Variants in AGTPBP1 observed in about 807,000 individuals in gnomAD.
AGTPBP1 encodes ATP/GTP binding carboxypeptidase 1, also known as cytosolic carboxypeptidase 1.
In AGTPBP1, 70 loss-of-function variants were observed where a neutral mutation model predicts 143.9. The ratio of observed to expected loss-of-function variants is 0.49; its 90% CI spans 0.40 to 0.59. The LOEUF is 0.59. Ranked by LOEUF, AGTPBP1 falls within the 20% of genes least tolerant of loss-of-function variation. The pLI is 0.00. For synonymous variants in AGTPBP1, 463 were observed against 500.2 expected (o/e 0.93, Z 0.99); for missense variants, 1,229 against 1,464.5 (o/e 0.84, Z 2.62).
At chr9:85,600,286 G>A (rs1014693234) in intron 17 of AGTPBP1, among the ~76,000 whole-genome samples, 3 of 152,106 alleles carry the variant, frequency 2.0e-5, no homozygotes, top group Non-Finnish European at 4.4e-5. Context: ...TCAATCTGAA[G>A]TTTTGACCCC....
chr9:85,787,250 A>G, the AGTPBP1 span, among the ~76,000 whole-genome samples: 1 of 152,110 alleles, frequency 6.6e-6, no homozygotes, highest in African/African-American at 2.4e-5. Context: ...TTCCTGCTCT[A>G]TACACTCAAT....
Position 85,741,882 on chromosome 9 carries a change from A to T in AGTPBP1, c.-141T>A, listed in dbSNP as rs1248110044. ...GCCCGCCGCCCGGTGTTTTCATACA[A>T]ACCCCGGTGGCAGGCGAGGCGGAGG... is the stretch of plus-strand genomic sequence containing the variant. On this transcript the variant is annotated 5_prime_UTR_variant, in exon 1 of 26. In the 5' UTR this introduces an upstream ATG that the reference lacks. Transcript: ENST00000357081. 1.4e-6 allele frequency: 2 copies of T among 1,385,624 alleles called. No individual in the cohort carries two copies. The highest frequency in any genetic ancestry group is 6.2e-5 in the East Asian group (2 of 32,352). 85.8% of individuals were successfully genotyped at this position (1,385,624 alleles called of 1,614,324 possible).
chr9:85,760,255 C>T, the AGTPBP1 span, among the ~76,000 whole-genome samples: 76 of 152,210 alleles, frequency 5.0e-4, no homozygotes, highest in African/African-American at 1.8e-3. Context: ...GGGAATCCTC[C>T]CTAACTCATT....
the AGTPBP1 span, among the ~76,000 whole-genome samples, chr9:85,798,766 A>G: frequency 6.6e-6 from 1 of 152,062 alleles, no homozygotes; most frequent in Admixed American, 6.6e-5. Flanking sequence ...CACATTTAAG[A>G]ATGAGGTGAT....
chr9:85,753,804 A>G, the AGTPBP1 span, among the ~76,000 whole-genome samples: 51 of 147,460 alleles, frequency 3.5e-4, 1 homozygote, highest in African/African-American at 1.2e-3. Context: ...ATAGATAGAT[A>G]GATGTAAAAA....
At chr9:85,680,575 C>T (rs1684098415) in intron 4 of AGTPBP1, among the ~76,000 whole-genome samples, 1 of 150,236 alleles carries the variant, frequency 6.7e-6, no homozygotes, top group Non-Finnish European at 1.5e-5. Flanking sequence ...CAGAGTGAGA[C>T]TCTGTCTCAA....
rs181434125 is a variant in AGTPBP1, at chr9:85,654,178, T to C, written c.1087+965A>G. 4.4e-4 allele frequency among the ~76,000 whole-genome samples: 67 copies of C among 152,110 alleles called. No individual in the cohort carries two copies. In the Middle Eastern group the frequency reaches 0.01, roughly 23 times the overall value. ...ATAAATAAAGAATCTTCGTTTTTTT[T>C]CTCAAAAAAGTAATAAACTGATAAG... On this transcript the variant is annotated intron_variant, in intron 11 of 25. Transcript: ENST00000357081.
chr9:85,763,653 A>T, the AGTPBP1 span, among the ~76,000 whole-genome samples: 1 of 152,032 alleles, frequency 6.6e-6, no homozygotes, highest in Admixed American at 6.6e-5. Flanking sequence ...TAGAGTAGGT[A>T]TAAGAGTGCT....
chr9:85,722,010 T>C (rs1053250392), intron 1 of AGTPBP1, among the ~76,000 whole-genome samples: 1 of 152,232 alleles, frequency 6.6e-6, no homozygotes, highest in East Asian at 1.9e-4. Context: ...CACTCTCTTC[T>C]GGCTTGTAGG....
intron 12 of AGTPBP1, among the ~76,000 whole-genome samples, chr9:85,645,112 C>T (rs996030821): frequency 6.6e-6 from 1 of 152,112 alleles, no homozygotes; most frequent in Non-Finnish European, 1.5e-5. Flanking sequence ...TTTCTATGTA[C>T]TTATACAACC....
rs138823551 is a variant in AGTPBP1 at position 85,556,072 on chromosome 9, C to T, written c.3504-8786G>A. ...CCAGGCGAGGAAATAATCTGTAGAA[C>T]AAACCCCCGTGACATGGGTTTACCT... On this transcript the variant is annotated intron_variant, in intron 25 of 25. Transcript: ENST00000357081. 1.9e-3 allele frequency among the ~76,000 whole-genome samples: 284 copies of T among 152,198 alleles called. 1 individual carries two copies. The highest frequency in any genetic ancestry group is 6.4e-3 in the African/African-American group (266 of 41,544).
chr9:85,628,018 G>T (rs1301565881), intron 14 of AGTPBP1, among the ~76,000 whole-genome samples: 1 of 152,168 alleles, frequency 6.6e-6, no homozygotes, highest in Non-Finnish European at 1.5e-5. Flanking sequence ...TTGTTCAAGG[G>T]TTAACTATAT....
In AGTPBP1 at chr9:85,741,909, G is replaced by GGCGGCGGCAGCT. The variant is rs1159112155; in HGVS notation, c.-169_-168insAGCTGCCGCCGC. The stretch of plus-strand genomic sequence containing the variant: ...CCCCGGTGGCAGGCGAGGCGGAGGC[G>GGCGGCGGCAGCT]GCGGCGGCGGCAGCTGCGGCGGCGG... On this transcript the variant is annotated 5_prime_UTR_variant, in exon 1 of 26. Transcript: ENST00000357081. The GGCGGCGGCAGCT allele has an allele frequency of 1.7e-5, 22 of 1,317,026 alleles. No homozygotes were observed. In the African/African-American group the frequency reaches 3.1e-4, roughly 19 times the overall value. The allele number at this position is 1,317,026 out of a possible 1,614,324, so 81.6% of individuals were successfully genotyped here.
chr9:85,580,361 T>C lies in AGTPBP1; in HGVS notation c.3166-1265A>G, dbSNP rs117398044. Among the ~76,000 whole-genome samples the C allele has an allele frequency of 3.1e-3, 478 of 152,164 alleles. 16 individuals carry two copies. In the East Asian group the frequency reaches 0.08, roughly 25 times the overall value. The stretch of plus-strand genomic sequence containing the variant: ...ATTTCTCATAAATTGTTTTTTGGAG[T>C]TTTGAGGCTTAGAAAGATTTTTTTT... On this transcript the variant is annotated intron_variant, in intron 23 of 25. Transcript: ENST00000357081.
chr9:85,692,645 A>T, intron 3 of AGTPBP1, 44 bp downstream of exon 3: 1 of 1,587,698 alleles, frequency 6.3e-7, no homozygotes, highest in Non-Finnish European at 8.5e-7. Context: ...ACTTTTAAAG[A>T]ATTAAAAAAG....
chr9:85,662,558 G>A (rs59705831), intron 8 of AGTPBP1, among the ~76,000 whole-genome samples: 5,322 of 152,110 alleles, frequency 0.035, 331 homozygotes, highest in African/African-American at 0.12. Flanking sequence ...TATTCCATAT[G>A]AGACTGCGAT....
chr9:85,689,340 T>C (rs1835691860), intron 3 of AGTPBP1, among the ~76,000 whole-genome samples: 1 of 152,166 alleles, frequency 6.6e-6, no homozygotes, highest in Non-Finnish European at 1.5e-5. Context: ...TTTGGAACCA[T>C]CTGGAAAGCC....
At chr9:85,691,340 T>C (rs1165261968) in intron 3 of AGTPBP1, among the ~76,000 whole-genome samples, 1 of 152,168 alleles carries the variant, frequency 6.6e-6, no homozygotes, top group Admixed American at 6.6e-5. Flanking sequence ...GAAGGGTTAA[T>C]AGACACTGAG....
rs567923749 is a variant in AGTPBP1 at position 85,623,537 on chromosome 9, G to A, written c.2016-2252C>T. ...TGGGAGGCCGAGGCAGGAGGATCAC[G>A]ATGTGGTCAGGAGTTCGAGACCAGC... On this transcript the variant is annotated intron_variant, in intron 14 of 25. Transcript: ENST00000357081. Among the ~76,000 whole-genome samples the A allele has an allele frequency of 1.7e-4, 26 of 152,038 alleles. No individual in the cohort carries two copies. The South Asian group carries it at 4.2e-3, about 24-fold the overall frequency.
Sources: allele counts gnomAD v4.1 joint callset (sites outside exome capture counted in the v4.1 genomes callset), GRCh38; gene constraint gnomAD v4.1.1; transcripts MANE v1.5; gene names NCBI Gene and HGNC (gene_info 2026-07-23, HGNC 2026-07-21).